The following ELOVL7 variants were observed in gnomAD, a reference collection of about 807,000 sequenced individuals.
The protein encoded by ELOVL7 is very long chain fatty acid elongase 7.
A neutral mutation model predicts 35.7 loss-of-function variants in ELOVL7; 27 were observed. The ratio of observed to expected loss-of-function variants is 0.76; its 90% CI spans 0.56 to 1.04. The LOEUF (loss-of-function observed/expected upper bound fraction) is 1.04, where lower values mean the gene tolerates loss of function less well. Ranked by LOEUF, ELOVL7 falls within the 50% of genes least tolerant of loss-of-function variation. The probability of loss-of-function intolerance (pLI) is 0.00; values close to 1 mark genes in which losing one functional copy is unlikely to be tolerated. For missense variants in ELOVL7, 327 were observed against 340.8 expected (o/e 0.96, Z 0.32); for synonymous variants, 113 against 114.6 (o/e 0.99, Z 0.09).
rs1741366165 is a variant in ELOVL7, at chr5:60,753,392, A to G, written c.*1232T>C. On this transcript the variant is annotated 3_prime_UTR_variant, in exon 9 of 9. Transcript: ENST00000508821. ...TTCAGTCCTTCATTACATGGTTTATAGGTCTGGAAACAGAAATCCAGGTTG... is the reference window on the plus strand; with the variant it reads ...TTCAGTCCTTCATTACATGGTTTATGGGTCTGGAAACAGAAATCCAGGTTG... 1 of 152,202 alleles carries G rather than the reference A, an allele frequency of 6.6e-6. No homozygotes were observed. The highest frequency in any genetic ancestry group is 1.5e-5 in the Non-Finnish European group (1 of 68,012). The allele number at this position is 152,202 out of a possible 1,614,324, so 9.4% of individuals were successfully genotyped here. A position where few individuals can be genotyped will look rare whatever the true frequency, so the allele number is the denominator to read the frequency against.
chr5:60,794,117 G>A (rs1169784790), intron 2 of ELOVL7, among the ~76,000 whole-genome samples: 1 of 152,212 alleles, frequency 6.6e-6, no homozygotes, highest in East Asian at 1.9e-4. Flanking sequence ...ACTGGTGCTG[G>A]TGTTTCATTG....
At chr5:60,780,945 T>C (rs1282408569) in intron 3 of ELOVL7, among the ~76,000 whole-genome samples, 1 of 152,162 alleles carries the variant, frequency 6.6e-6, no homozygotes, top group Non-Finnish European at 1.5e-5. Context: ...GCGCCATGGC[T>C]CACACCTGTA....
chr5:60,807,495 T>C (rs1744996957), intron 1 of ELOVL7, among the ~76,000 whole-genome samples: 1 of 150,154 alleles, frequency 6.7e-6, no homozygotes. Flanking sequence ...ACCAAGTATG[T>C]GGTCTGACCA....
intron 3 of ELOVL7, chr5:60,784,053 G>T: frequency 1.1e-6 from 1 of 899,216 alleles, no homozygotes; most frequent in Non-Finnish European, 1.8e-6. Context: ...TTCTAAGAGT[G>T]TCCCAGGGAG....
chr5:60,798,491 G>A (rs900033614), intron 2 of ELOVL7, among the ~76,000 whole-genome samples: 6 of 151,776 alleles, frequency 4.0e-5, no homozygotes, highest in Non-Finnish European at 5.9e-5. Flanking sequence ...AGATTAAAGT[G>A]GACTAAAATA....
chr5:60,795,349 C>A (rs770253931), intron 2 of ELOVL7, among the ~76,000 whole-genome samples: 1 of 152,094 alleles, frequency 6.6e-6, no homozygotes, highest in African/African-American at 2.4e-5. Context: ...TCACACCCAA[C>A]GAATCAGGTA....
chr5:60,759,560 TCTAA>T (rs929916429), intron 7 of ELOVL7, among the ~76,000 whole-genome samples: 29 of 152,154 alleles, frequency 1.9e-4, no homozygotes, highest in Admixed American at 9.2e-4. Context: ...TCAGAGCTTT[TCTAA>T]CTAAGACACC....
intron 1 of ELOVL7, among the ~76,000 whole-genome samples, chr5:60,801,987 C>T (rs1192204853): frequency 6.6e-6 from 1 of 150,642 alleles, no homozygotes; most frequent in African/African-American, 2.4e-5. Context: ...ACTAGCTTCT[C>T]TCTCTTTCTC....
In ELOVL7 at chr5:60,773,510, T is replaced by C. The variant is rs550097052; in HGVS notation, c.65-1417A>G. On this transcript the variant is annotated intron_variant, in intron 3 of 8. Transcript: ENST00000508821. ...ATCAGATGTGCATGGGTGATTATTC[T>C]GCATTCAAATAAGCCTCCCTCAAAA... Among the ~76,000 whole-genome samples, 28 of 152,268 alleles carry C rather than the reference T, an allele frequency of 1.8e-4. No individual in the cohort carries two copies. In the South Asian group the frequency reaches 4.4e-3, roughly 24 times the overall value.
chr5:60,824,877 A>C (rs1746080485), intron 1 of ELOVL7, among the ~76,000 whole-genome samples: 1 of 152,004 alleles, frequency 6.6e-6, no homozygotes, highest in Admixed American at 6.6e-5. Flanking sequence ...TAAAAGTCAA[A>C]GTTCTTATAA....
rs779332363 is a variant in ELOVL7 at position 60,757,622 on chromosome 5, G to A, written c.523C>T (p.Leu175Phe). Residue 175 changes from leucine to phenylalanine, a missense_variant, in exon 8 of 9, where the codon CTT becomes TTT. Transcript: ENST00000508821. Reference protein sequence around the residue: ...AAGGLGTFHALLNTAVHVVMY... With the variant: ...AAGGLGTFHAFLNTAVHVVMY... ...ACTACATGTACAGCTGTATTTAGAA[G>A]GGCATGGAATGTTCCCAAACCACCT... 1.2e-5 allele frequency: 19 copies of A among 1,591,876 alleles called. No homozygotes were observed. The Admixed American group carries it at 2.9e-4, about 24-fold the overall frequency.
intron 3 of ELOVL7, among the ~76,000 whole-genome samples, chr5:60,779,390 A>G (rs1026525813): frequency 2.0e-5 from 3 of 152,198 alleles, no homozygotes; most frequent in African/African-American, 7.2e-5. Context: ...CTGGACATCC[A>G]GGAGTTTCAA....
At chr5:60,813,771 G>T (rs904919165) in intron 1 of ELOVL7, among the ~76,000 whole-genome samples, 1 of 152,134 alleles carries the variant, frequency 6.6e-6, no homozygotes, top group Admixed American at 6.5e-5. Context: ...AACTCGACAG[G>T]TAGATTGGGG....
chr5:60,836,256 T>A lies in ELOVL7; in HGVS notation c.-86+7904A>T, dbSNP rs183195292. ...ATGAATAGTGGTTCTCACAGCTTGA[T>A]TTAAAAAATTCCATTCCACATTGGC... On this transcript the variant is annotated intron_variant, in intron 1 of 8. Transcript: ENST00000508821. Among the ~76,000 whole-genome samples, 355 of 152,160 alleles carry A rather than the reference T, an allele frequency of 2.3e-3. 7 individuals are homozygous for A. The highest frequency in any genetic ancestry group is 8.3e-3 in the African/African-American group (342 of 41,408).
intron 3 of ELOVL7, among the ~76,000 whole-genome samples, chr5:60,782,044 A>G (rs1743286772): frequency 6.6e-6 from 1 of 152,240 alleles, no homozygotes; most frequent in African/African-American, 2.4e-5. Context: ...ATTGAATCAG[A>G]ATCCTAGGAC....
chr5:60,837,320 GGGGA>G (rs1746874950), intron 1 of ELOVL7, among the ~76,000 whole-genome samples: 1 of 124,434 alleles, frequency 8.0e-6, no homozygotes, highest in Non-Finnish European at 1.7e-5. Flanking sequence ...GGGGGTGGGG[GGGGA>G]GTGGGGGGTG....
intron 1 of ELOVL7, among the ~76,000 whole-genome samples, chr5:60,830,729 G>T (rs1208955935): frequency 6.7e-6 from 1 of 150,064 alleles, no homozygotes; most frequent in African/African-American, 2.5e-5. Context: ...CAGTATTAAT[G>T]AAATACATTC....
intron 1 of ELOVL7, among the ~76,000 whole-genome samples, chr5:60,806,586 C>CA (rs937996411): frequency 4.7e-5 from 7 of 149,282 alleles, no homozygotes; most frequent in Non-Finnish European, 1.0e-4. Flanking sequence ...TCAAATACTG[C>CA]AAAAAAAGAA....
intron 1 of ELOVL7, among the ~76,000 whole-genome samples, chr5:60,800,098 T>C (rs751942453): frequency 1.0e-4 from 10 of 99,394 alleles, no homozygotes; most frequent in Middle Eastern, 6.1e-3. Flanking sequence ...GAAAAAAAAA[T>C]GAAGAGGAGG....
Sources: gnomAD v4.1 joint callset for allele counts (sites outside exome capture counted in the v4.1 genomes callset) on GRCh38, gnomAD v4.1.1 for gene constraint, MANE v1.5 for transcripts, NCBI Gene and HGNC (gene_info 2026-07-23, HGNC 2026-07-21) for gene names.